The following LCT variants were observed in gnomAD, a reference collection of about 807,000 sequenced individuals.
The protein encoded by LCT is lactase/phlorizin hydrolase.
Under a neutral mutation model 173.0 loss-of-function variants are expected in LCT, and 90 were observed. That is an observed-to-expected ratio of 0.52 (90% confidence interval 0.44 to 0.62). The LOEUF (loss-of-function observed/expected upper bound fraction) is 0.62, where lower values mean the gene tolerates loss of function less well. Among genes scored for constraint, LCT ranks in the 20% least tolerant of loss-of-function variants. The probability of loss-of-function intolerance (pLI) is 0.00; values close to 1 mark genes in which losing one functional copy is unlikely to be tolerated. For synonymous variants in LCT, 853 were observed against 957.6 expected (o/e 0.89, Z 2.02); for missense variants, 1,864 against 2,431.4 (o/e 0.77, Z 4.91).
At position 135,809,829 on chromosome 2, in the gene LCT, T is replaced by C; in HGVS notation, c.2518A>G (p.Ser840Gly). Residue 840 changes from serine (S) to glycine (G), a missense_variant, in exon 8 of 17, where the codon AGC (serine) becomes GGC (glycine). By Grantham distance (56) the Ser-to-Gly change is moderately conservative. Around this residue, in one of 4 missense-constraint regions of LCT, gnomAD observed 755 missense variants for 926.3 expected, o/e 0.82. Coordinates refer to ENST00000264162, the MANE Select transcript of LCT (RefSeq NM_002299.4). This position sits in a 1 kb window ranked among gnomAD's most constrained non-coding sequence, Gnocchi z 5.5. The stretch of plus-strand genomic sequence containing the variant: ...AGGAAACCGTTCTTTTCTATGATGC[T>C]AGTGAAAAAGTAGGCAGATTTCCTG... ...TPRKSAYFFT[S>G]IIEKNGFLTK... The C allele has an allele frequency of 1.9e-6, 3 of 1,614,176 alleles. No homozygotes were observed. Among genetic ancestry groups the C allele is most frequent in the Non-Finnish European group, 8.5e-7 (1 of 1,180,028 alleles).
Position 135,817,404 on chromosome 2 carries a change from G to A in LCT, c.1644C>T (p.Tyr548=), listed in dbSNP as rs377304720. ...GGTGCTGGCCGGTGCCATAGCCTGC[G>A]TAGCTCATCACCCACGGCTCATGGA... The part of the protein sequence containing the change: ...VTFHEPWVMS[Y]AGYGTGQHPP... The change falls in exon 6 of 17, where the codon TAC becomes TAT. Residue 548 remains tyrosine (Y), a synonymous_variant. Transcript: ENST00000264162. 12 of 1,614,008 alleles carry A rather than the reference G, an allele frequency of 7.4e-6. No homozygotes were observed. The highest frequency in any genetic ancestry group is 3.3e-5 in the Admixed American group (2 of 59,992).
chr2:135,789,739 C>G lies in LCT; in HGVS notation c.5395G>C (p.Glu1799Gln). The G allele has an allele frequency of 6.2e-7, 1 of 1,614,246 alleles. No individual in the cohort carries two copies. The highest frequency in any genetic ancestry group is 8.5e-7 in the Non-Finnish European group (1 of 1,180,032). ...CTCTCTGAAAAGCCTGTGGCCCACTCAAAATTGTCCATCGCACTCCAAACT... is the reference window on the plus strand; with the variant it reads ...CTCTCTGAAAAGCCTGTGGCCCACTGAAAATTGTCCATCGCACTCCAAACT... The part of the protein sequence containing the change: ...YTVWSAMDNF[E>Q]WATGFSERFG... Residue 1799 changes from glutamate (E) to glutamine (Q), a missense_variant, in exon 16 of 17, where the codon GAG (glutamate) becomes CAG (glutamine). By Grantham distance (29) the Glu-to-Gln change is conservative (BLOSUM62 2). Around this residue, in one of 4 missense-constraint regions of LCT, gnomAD observed 514 missense variants for 750.1 expected, o/e 0.69. Coordinates refer to ENST00000264162, the MANE Select transcript of LCT (RefSeq NM_002299.4).
chr2:135,829,609 T>G lies in LCT; in HGVS notation c.788A>C (p.Lys263Thr). Residue 263 changes from lysine (K) to threonine (T), a missense_variant, in exon 3 of 17, where the codon AAG (lysine) becomes ACG (threonine). Lys to Thr is a moderately conservative substitution (Grantham distance 78). This residue lies in a region of LCT where 412 missense variants were observed against 462.0 expected (regional missense o/e 0.89). Coordinates refer to ENST00000264162, the MANE Select transcript of LCT (RefSeq NM_002299.4). ...TCAAATTACCTGCAATTTACTCAGC[T>G]TCTGCCGCAGACTTGCCTCATTTTG... The part of the protein sequence containing the change: ...ECQNEASLRQ[K>T]LSKLQTIEPK... 1.9e-6 allele frequency: 3 copies of G among 1,613,552 alleles called. No individual in the cohort carries two copies. Among genetic ancestry groups the G allele is most frequent in the Non-Finnish European group, 1.7e-6 (2 of 1,179,460 alleles).
chr2:135,788,226 C>A lies in LCT; in HGVS notation c.*98G>T. On this transcript the variant is annotated 3_prime_UTR_variant, in exon 17 of 17. Transcript: ENST00000264162. ...GTGCAGCAGGACTTTATGGAGAAGT[C>A]CAGTATCAGCAGAGTCTAAGACCCT... 1.2e-6 allele frequency: 1 copy of A among 862,156 alleles called. No homozygotes were observed. The highest frequency in any genetic ancestry group is 2.4e-5 in the East Asian group (1 of 41,586). 53.4% of individuals were successfully genotyped at this position (862,156 alleles called of 1,614,324 possible). A position where few individuals can be genotyped will look rare whatever the true frequency, so the allele number is the denominator to read the frequency against.
intron 13 of LCT, among the ~76,000 whole-genome samples, chr2:135,795,614 TAATAATA>T (rs1575331759): frequency 2.3e-5 from 2 of 86,352 alleles, no homozygotes; most frequent in Non-Finnish European, 3.6e-5. Context: ...CTAATAATAA[TAATAATA>T]ATAATAATAA....
chr2:135,833,065 C>A, intron 2 of LCT, 46 bp downstream of exon 2: 1 of 1,406,250 alleles, frequency 7.1e-7, no homozygotes, highest in Non-Finnish European at 1.0e-6. Flanking sequence ...AAATTAAAAT[C>A]AAACTCTCCT....
chr2:135,833,281 T>C, intron 1 of LCT, 91 bp from the exon 2 acceptor site: 1 of 890,420 alleles, frequency 1.1e-6, no homozygotes. Context: ...CCTATGGACC[T>C]GAAGAAATCA....
At chr2:135,803,314 C>A (rs897645861) in intron 11 of LCT, among the ~76,000 whole-genome samples, 1 of 152,002 alleles carries the variant, frequency 6.6e-6, no homozygotes, top group African/African-American at 2.4e-5. Context: ...TACATATGTA[C>A]AATTATTGCA....
chr2:135,816,239 C>T (rs2105541404), intron 6 of LCT, among the ~76,000 whole-genome samples: 1 of 152,370 alleles, frequency 6.6e-6, no homozygotes, highest in South Asian at 2.1e-4. Context: ...CTCCTTGCCT[C>T]TTCCCTCTCT....
At position 135,809,800 on chromosome 2, in the gene LCT, G is replaced by A; in HGVS notation, c.2547C>T (p.Thr849=). 1 of 1,614,112 alleles carries A rather than the reference G, an allele frequency of 6.2e-7. No homozygotes were observed. The highest frequency in any genetic ancestry group is 8.5e-7 in the Non-Finnish European group (1 of 1,180,020). The change falls in exon 8 of 17, where the codon ACC becomes ACT. Residue 849 remains threonine, a synonymous_variant. Transcript: ENST00000264162. The surrounding 1 kb of genome is among the most constrained non-coding windows in gnomAD (Gnocchi z 5.5). ...TSIIEKNGFL[T]KGAKRLLPPN... ...GTGGTAGCAGTCTTTTTGCCCCCTTGGTGAGGAAACCGTTCTTTTCTATGA... is the reference window on the plus strand; with the variant it reads ...GTGGTAGCAGTCTTTTTGCCCCCTTAGTGAGGAAACCGTTCTTTTCTATGA...
intron 2 of LCT, among the ~76,000 whole-genome samples, chr2:135,831,634 A>C (rs1207108559): frequency 1.3e-5 from 2 of 152,158 alleles, no homozygotes; most frequent in East Asian, 3.9e-4. Context: ...CTGTAAACTA[A>C]TTTAGGTGCC....
In LCT at chr2:135,802,899, G is replaced by C. The variant is rs1026967156; in HGVS notation, c.4663+1031C>G. On this transcript the variant is annotated intron_variant, in intron 11 of 16. Transcript: ENST00000264162. ...GGCTGAGGCGGGCGGATTACCTGAG[G>C]TCACGAGTTCGAGACCAGCCTGGCC... Among the ~76,000 whole-genome samples the C allele has an allele frequency of 2.0e-5, 3 of 152,020 alleles. No individual in the cohort carries two copies. The East Asian group carries it at 5.8e-4, about 29-fold the overall frequency.
In LCT at chr2:135,836,550, T is replaced by A. The variant is rs748900673; in HGVS notation, c.620A>T (p.His207Leu). 6 of 1,614,014 alleles carry A rather than the reference T, an allele frequency of 3.7e-6. No individual in the cohort carries two copies. Among genetic ancestry groups the A allele is most frequent in the Non-Finnish European group, 3.4e-6 (4 of 1,180,014 alleles). Residue 207 changes from histidine (H) to leucine (L), a missense_variant, in exon 1 of 17, where the codon CAC (histidine) becomes CTC (leucine). By Grantham distance (99) the His-to-Leu change is moderately conservative (BLOSUM62 -3). Transcript: ENST00000264162. ...CTCACCCTGAAAAGCATAGCTTTCG[T>A]GGTAAATCTCATAGGCTTTTCTGTG... ...DAHRKAYEIY[H>L]ESYAFQGGKL... is the part of the protein sequence containing the mutation.
rs3816088 is a variant in LCT at position 135,829,668 on chromosome 2, G to C, written c.729C>G (p.Val243=). ...PPISALAQDT[V]DFLSLDLSYE... ...AAGACAAATCAAGAGAGAGGAAATC[G>C]ACCGTGTCCTGAAAATAGTAGTTAA... Residue 243 remains valine (V), a synonymous_variant, in exon 3 of 17, where the codon GTC becomes GTG. Coordinates refer to ENST00000264162, the MANE Select transcript of LCT (RefSeq NM_002299.4). 0.024 allele frequency: 38,051 copies of C among 1,610,480 alleles called. 971 individuals are homozygous for C. Among genetic ancestry groups the C allele is most frequent in the African/African-American group, 0.12 (8,656 of 74,800 alleles).
In LCT at chr2:135,808,863, C is replaced by T. The variant is rs1156834807; in HGVS notation, c.3484G>A (p.Gly1162Arg). ...CACTTCATGGTGTCAGGATAGTCTC[C>T]GTTTCTAAAAATGGGGTGAGCAAAC... ...GWFAHPIFRN[G>R]DYPDTMKWKV... The change falls in exon 8 of 17, where the codon GGA (glycine) becomes AGA (arginine). Residue 1162 changes from glycine (G) to arginine (R), a missense_variant. Gly to Arg is a moderately radical substitution (Grantham distance 125). Transcript: ENST00000264162. 4.3e-6 allele frequency: 7 copies of T among 1,614,032 alleles called. No homozygotes were observed. The highest frequency in any genetic ancestry group is 2.7e-5 in the African/African-American group (2 of 74,892).
At chr2:135,816,556 C>G (rs1314355937) in intron 6 of LCT, among the ~76,000 whole-genome samples, 15 of 152,198 alleles carry the variant, frequency 9.9e-5, no homozygotes, top group Admixed American at 9.8e-4. Context: ...CGCTTGTGCT[C>G]TGATCAAATT....
chr2:135,811,569 G>C (rs1259205522), intron 7 of LCT, among the ~76,000 whole-genome samples: 3 of 152,124 alleles, frequency 2.0e-5, no homozygotes, highest in Admixed American at 6.5e-5. Context: ...AGACCAGTGT[G>C]GCTGGAGCAA....
At position 135,807,030 on chromosome 2, in the gene LCT, TC is replaced by T. The variant is rs145288433; in HGVS notation, c.4173+97del. ...CTGCCCCTCCATGGGTCTGCTGGAATCTCCTGTTCATGCATCTGCCCTTCCC... is the reference window on the plus strand; with the variant it reads ...CTGCCCCTCCATGGGTCTGCTGGAATTCCTGTTCATGCATCTGCCCTTCCC... On this transcript the variant is annotated intron_variant, in intron 9 of 16. Coordinates refer to ENST00000264162, the MANE Select transcript of LCT (RefSeq NM_002299.4). The T allele has an allele frequency of 8.2e-3, 11,363 of 1,382,414 alleles. 719 individuals carry two copies. The African/African-American group carries it at 0.14, about 17-fold the overall frequency. 85.6% of individuals were successfully genotyped at this position (1,382,414 alleles called of 1,614,324 possible).
In LCT at chr2:135,794,495, T is replaced by C. The variant is rs2077561816; in HGVS notation, c.5111+146A>G. On this transcript the variant is annotated intron_variant, in intron 14 of 16. Transcript: ENST00000264162. Reference sequence around the variant, plus strand: ...GCTTGCTGGAGATTTCCTTGGGATCTGTGGGGTGGCGAGCATCTTGCAAAC... The same window carrying C: ...GCTTGCTGGAGATTTCCTTGGGATCCGTGGGGTGGCGAGCATCTTGCAAAC... 6.1e-6 allele frequency: 5 copies of C among 824,590 alleles called. No homozygotes were observed. In the Admixed American group the frequency reaches 1.0e-4, roughly 17 times the overall value. The allele number at this position is 824,590 out of a possible 1,614,324, so 51.1% of individuals were successfully genotyped here.
Sources: allele counts gnomAD v4.1 joint callset (sites outside exome capture counted in the v4.1 genomes callset), GRCh38; gene constraint gnomAD v4.1.1; regional missense constraint gnomAD v4.1.1; non-coding constraint Gnocchi (gnomAD v3.1); transcripts MANE v1.5; gene names NCBI Gene and HGNC (gene_info 2026-07-23, HGNC 2026-07-21).